LIPA: variants seen among roughly 807,000 people sequenced by gnomAD.
The protein encoded by LIPA is lysosomal acid lipase/cholesteryl ester hydrolase.
LIPA carries 26 observed loss-of-function variants against 40.6 expected under a neutral mutation model. The ratio of observed to expected loss-of-function variants is 0.64; its 90% CI spans 0.47 to 0.89. The LOEUF (loss-of-function observed/expected upper bound fraction) is 0.89. Ranked by LOEUF, LIPA falls within the 40% of genes least tolerant of loss-of-function variation. The probability of loss-of-function intolerance (pLI) is 0.00; values close to 1 mark genes in which losing one functional copy is unlikely to be tolerated. For synonymous variants in LIPA, 188 were observed against 168.4 expected (o/e 1.12, Z -0.90); for missense variants, 455 against 479.6 (o/e 0.95, Z 0.48).
chr10:89,320,574 C>A (rs957626278), intron 1 of LIPA, among the ~76,000 whole-genome samples: 2 of 152,106 alleles, frequency 1.3e-5, no homozygotes, highest in African/African-American at 4.8e-5. Context: ...AAAGAGGACA[C>A]AAACAAATGG....
intron 1 of LIPA, among the ~76,000 whole-genome samples, chr10:89,322,505 A>T (rs1159757530): frequency 6.6e-6 from 1 of 152,030 alleles, no homozygotes; most frequent in East Asian, 1.9e-4. Context: ...GGGGATTCAC[A>T]CTCTCGACAG....
intron 2 of LIPA, among the ~76,000 whole-genome samples, chr10:89,409,983 A>T (rs932283992): frequency 6.6e-6 from 1 of 152,234 alleles, no homozygotes; most frequent in Non-Finnish European, 1.5e-5. Flanking sequence ...TCTAGCCTTA[A>T]GCCTTCCCAA....
At chr10:89,255,042 G>T (rs1843173997), upstream of LIPA, among the ~76,000 whole-genome samples, 1 of 152,140 alleles carries the variant, frequency 6.6e-6, no homozygotes, top group Admixed American at 6.5e-5. Context: ...ACGTCTTCCT[G>T]ACTTCTTCTG....
chr10:89,267,738 A>G (rs1237432845), intron 1 of LIPA, among the ~76,000 whole-genome samples: 4 of 148,954 alleles, frequency 2.7e-5, no homozygotes, highest in Admixed American at 6.7e-5. Context: ...ATAAAAAAAA[A>G]AAAAGAAACT....
chr10:89,403,799 C>G, intron 2 of LIPA: 1 of 722,416 alleles, frequency 1.4e-6, no homozygotes, highest in Non-Finnish European at 2.3e-6. Context: ...TTTTCAGAAA[C>G]ATTATAATTC....
intron 1 of LIPA, chr10:89,340,221 T>A: frequency 7.5e-7 from 1 of 1,329,864 alleles, no homozygotes; most frequent in East Asian, 2.4e-5. Flanking sequence ...CTGGGATTGC[T>A]GAGCAGGGAA....
intron 2 of LIPA, among the ~76,000 whole-genome samples, chr10:89,411,044 C>A (rs1224726481): frequency 1.3e-5 from 2 of 152,226 alleles, no homozygotes; most frequent in African/African-American, 4.8e-5. Flanking sequence ...TAATTGATAA[C>A]TGAAGGTCTT....
intron 1 of LIPA, chr10:89,309,409 C>T (rs555426569): frequency 6.6e-6 from 1 of 152,258 alleles, no homozygotes; most frequent in Non-Finnish European, 1.5e-5. Flanking sequence ...CAAATCACAC[C>T]AACTGCAAAG....
At chr10:89,233,159 C>T (rs1482784325) in intron 3 of LIPA, among the ~76,000 whole-genome samples, 1 of 152,166 alleles carries the variant, frequency 6.6e-6, no homozygotes, top group Non-Finnish European at 1.5e-5. Context: ...TCTTCCATCC[C>T]CTACTTCAAG....
intron 3 of LIPA, among the ~76,000 whole-genome samples, chr10:89,237,461 A>T (rs1576818): frequency 0.38 from 58,074 of 151,466 alleles, 11,549 homozygotes; most frequent in Non-Finnish European, 0.45. Context: ...AACAAAAAAA[A>T]ATATATATAT....
chr10:89,300,712 C>T (rs911315232), intron 1 of LIPA, among the ~76,000 whole-genome samples: 1 of 152,176 alleles, frequency 6.6e-6, no homozygotes, highest in Non-Finnish European at 1.5e-5. Context: ...CCTGGCCGGG[C>T]GTGGTGGCTC....
intron 1 of LIPA, among the ~76,000 whole-genome samples, chr10:89,335,818 A>G (rs1321082588): frequency 6.6e-6 from 1 of 152,192 alleles, no homozygotes; most frequent in Non-Finnish European, 1.5e-5. Context: ...TCATGTTTCC[A>G]TGACTTTATT....
intron 2 of LIPA, among the ~76,000 whole-genome samples, chr10:89,374,356 CT>C (rs1341529876): frequency 4.6e-5 from 7 of 152,140 alleles, no homozygotes; most frequent in African/African-American, 1.4e-4. Context: ...CTCTCTCTCT[CT>C]CTCTTACACA....
At chr10:89,374,075 A>C (rs1407260390) in intron 2 of LIPA, among the ~76,000 whole-genome samples, 1 of 152,234 alleles carries the variant, frequency 6.6e-6, no homozygotes, top group African/African-American at 2.4e-5. Context: ...AAGGAATTTT[A>C]CAACCTTGCA....
chr10:89,215,745 G>C (rs1244463852), intron 9 of LIPA, among the ~76,000 whole-genome samples, 193 bp downstream of exon 9: 1 of 152,192 alleles, frequency 6.6e-6, no homozygotes, highest in Non-Finnish European at 1.5e-5. Context: ...AAAGGACAAA[G>C]AGAGGAGGCC....
chr10:89,226,339 A>G (rs1486725624), intron 5 of LIPA, among the ~76,000 whole-genome samples: 1 of 152,216 alleles, frequency 6.6e-6, no homozygotes, highest in African/African-American at 2.4e-5. Flanking sequence ...GGAGAATTAA[A>G]TAAATTATAG....
At chr10:89,255,213 A>AATT (rs1554870689), upstream of LIPA, among the ~76,000 whole-genome samples, 6 of 152,220 alleles carry the variant, frequency 3.9e-5, no homozygotes, top group African/African-American at 1.4e-4. Flanking sequence ...GTAATTTGTA[A>AATT]AGGAAAGAGG....
intron 3 of LIPA, among the ~76,000 whole-genome samples, 193 bp from the exon 4 acceptor site, chr10:89,228,591 C>T (rs1842801519): frequency 6.6e-6 from 1 of 152,300 alleles, no homozygotes; most frequent in Non-Finnish European, 1.5e-5. Flanking sequence ...GGCAAGGTAG[C>T]AGTGAAACTG....
At chr10:89,371,412 A>G (rs968010727) in intron 2 of LIPA, among the ~76,000 whole-genome samples, 20 of 152,244 alleles carry the variant, frequency 1.3e-4, no homozygotes, top group African/African-American at 4.8e-4. Flanking sequence ...GATCAATAAC[A>G]TGATCCAAAA....
Sources: allele counts gnomAD v4.1 joint callset (sites outside exome capture counted in the v4.1 genomes callset), GRCh38; gene constraint gnomAD v4.1.1; transcripts MANE v1.5; gene names NCBI Gene and HGNC (gene_info 2026-07-23, HGNC 2026-07-21).